Variants in ANKFN1 observed in about 807,000 individuals in gnomAD.
The protein encoded by ANKFN1 is ankyrin repeat and fibronectin type III domain containing 1.
Under a neutral mutation model 108.7 loss-of-function variants are expected in ANKFN1, and 74 were observed. The ratio of observed to expected loss-of-function variants is 0.68; its 90% CI spans 0.56 to 0.83. The LOEUF is 0.83. Among genes scored for constraint, ANKFN1 ranks in the 40% least tolerant of loss-of-function variants. The probability of loss-of-function intolerance (pLI) is 0.00; values close to 1 mark genes in which losing one functional copy is unlikely to be tolerated. For synonymous variants in ANKFN1, 547 were observed against 516.2 expected (o/e 1.06, Z -0.81); for missense variants, 1,505 against 1,382.3 (o/e 1.09, Z -1.41).
intron 4 of ANKFN1, among the ~76,000 whole-genome samples, chr17:56,334,411 A>G (rs921668432): frequency 6.6e-6 from 1 of 152,134 alleles, no homozygotes; most frequent in African/African-American, 2.4e-5. Flanking sequence ...ATTGTGACAA[A>G]TGGTTTCATG....
chr17:56,127,991 A>G (rs1353694786), intron 4 of ANKFN1, among the ~76,000 whole-genome samples: 1 of 152,200 alleles, frequency 6.6e-6, no homozygotes, highest in Non-Finnish European at 1.5e-5. Context: ...GAAACACACC[A>G]AAACCAAGTC....
chr17:56,181,170 G>A (rs1486071237), intron 1 of ANKFN1, among the ~76,000 whole-genome samples: 2 of 152,144 alleles, frequency 1.3e-5, no homozygotes, highest in African/African-American at 4.8e-5. Context: ...TATATCTATA[G>A]CATAACACAG....
At chr17:56,431,188 T>C (rs561785375) in intron 8 of ANKFN1, among the ~76,000 whole-genome samples, 2 of 152,258 alleles carry the variant, frequency 1.3e-5, no homozygotes, top group Non-Finnish European at 2.9e-5. Context: ...CCAGAAATGA[T>C]AGGGGAGTTT....
At chr17:56,105,129 C>G (rs1438558755) in intron 4 of ANKFN1, among the ~76,000 whole-genome samples, 1 of 152,128 alleles carries the variant, frequency 6.6e-6, no homozygotes, top group Admixed American at 6.6e-5. Context: ...AGGTCTCACA[C>G]AGGTAGATGA....
chr17:56,056,046 A>G (rs1904871690), intron 4 of ANKFN1, among the ~76,000 whole-genome samples: 1 of 151,410 alleles, frequency 6.6e-6, no homozygotes, highest in Admixed American at 6.6e-5. Flanking sequence ...ATATCAGTTC[A>G]TGTTCTTTGC....
intron 15 of ANKFN1, among the ~76,000 whole-genome samples, chr17:56,468,819 A>C (rs1477798802): frequency 6.6e-6 from 1 of 152,232 alleles, no homozygotes; most frequent in Non-Finnish European, 1.5e-5. Context: ...ATTGACAGAG[A>C]GTATGTGCTT....
chr17:56,510,658 G>A lies in ANKFN1; in HGVS notation c.2830G>A (p.Asp944Asn), dbSNP rs758031860. The A allele has an allele frequency of 1.9e-5, 29 of 1,536,168 alleles. No homozygotes were observed. The South Asian group carries it at 2.9e-4, about 15-fold the overall frequency. The change falls in exon 21 of 21, where the codon GAC becomes AAC. Residue 944 changes from aspartate (D) to asparagine (N), a missense_variant. By Grantham distance (23) the Asp-to-Asn change is conservative. Coordinates refer to ENST00000682825, the MANE Select transcript of ANKFN1 (RefSeq NM_001370326.1). ...GSAPDVLQVH[D>N]VKTPLGPGQD... is the part of the protein sequence containing the mutation. ...CGCCCCCGACGTCCTGCAAGTGCAC[G>A]ACGTGAAAACCCCTCTGGGGCCGGG... is the stretch of plus-strand genomic sequence containing the variant.
Position 56,374,716 on chromosome 17 carries a change from T to G in ANKFN1, c.910+2T>G. 2.5e-6 allele frequency: 4 copies of G among 1,603,436 alleles called. No homozygotes were observed. Among genetic ancestry groups the G allele is most frequent in the Non-Finnish European group, 3.4e-6 (4 of 1,171,706 alleles). On this transcript the variant is annotated splice_donor_variant, in intron 8 of 20. Coordinates refer to ENST00000682825, the MANE Select transcript of ANKFN1 (RefSeq NM_001370326.1). LOFTEE classifies it high-confidence loss of function. ...CAGCTGTAGTAACCAGGTATAAAGG[T>G]ACTGGACCCAAGACATGTTTTCATC...
chr17:56,337,522 A>G (rs1211616542), intron 4 of ANKFN1, among the ~76,000 whole-genome samples: 1 of 152,220 alleles, frequency 6.6e-6, no homozygotes, highest in African/African-American at 2.4e-5. Context: ...GTCAGAGTCA[A>G]CAGGCAACTT....
chr17:56,373,348 T>C (rs2046862189), intron 7 of ANKFN1, among the ~76,000 whole-genome samples: 1 of 152,216 alleles, frequency 6.6e-6, no homozygotes, highest in African/African-American at 2.4e-5. Flanking sequence ...TGTCTGCACT[T>C]TCATTTTCTT....
intron 4 of ANKFN1, among the ~76,000 whole-genome samples, chr17:56,088,103 C>T (rs1361499492): frequency 2.0e-5 from 3 of 151,264 alleles, no homozygotes; most frequent in Non-Finnish European, 4.4e-5. Flanking sequence ...CAGGTAGAAT[C>T]TTCTTTAATG....
rs765531442 is a variant in ANKFN1, at chr17:56,396,670, G to A, written c.910+21956G>A. ...TACCATGTGCTAGCCATTGGGTCAGGACTTTATAGGCATTGCTTCTTCTAA... is the reference window on the plus strand; with the variant it reads ...TACCATGTGCTAGCCATTGGGTCAGAACTTTATAGGCATTGCTTCTTCTAA... On this transcript the variant is annotated intron_variant, in intron 8 of 20. Coordinates refer to ENST00000682825, the MANE Select transcript of ANKFN1 (RefSeq NM_001370326.1). 6.2e-4 allele frequency among the ~76,000 whole-genome samples: 94 copies of A among 152,164 alleles called. 1 individual carries two copies. The highest frequency in any genetic ancestry group is 3.4e-3 in the Middle Eastern group (1 of 294).
chr17:56,052,143 G>A (rs1225469073), intron 4 of ANKFN1, among the ~76,000 whole-genome samples: 5 of 152,224 alleles, frequency 3.3e-5, no homozygotes, highest in East Asian at 3.9e-4. Context: ...CAAAGCTGGA[G>A]GAATCACACT....
intron 4 of ANKFN1, 148 bp downstream of exon 4, chr17:56,326,503 A>T: frequency 1.0e-6 from 1 of 966,462 alleles, no homozygotes; most frequent in East Asian, 2.7e-5. Context: ...GTCCATGAAG[A>T]ATACACACAA....
At chr17:56,456,294 C>G (rs112999227) in intron 11 of ANKFN1, among the ~76,000 whole-genome samples, 455 of 152,000 alleles carry the variant, frequency 3.0e-3, no homozygotes, top group Middle Eastern at 0.01. Flanking sequence ...AGAACACCTA[C>G]GTGGTCTCCT....
chr17:56,105,266 T>C (rs549954130), intron 4 of ANKFN1, among the ~76,000 whole-genome samples: 38 of 152,164 alleles, frequency 2.5e-4, no homozygotes, highest in African/African-American at 9.2e-4. Flanking sequence ...TGACTGGTTC[T>C]GTATGGAACA....
intron 4 of ANKFN1, among the ~76,000 whole-genome samples, chr17:56,100,917 A>G (rs1905634798): frequency 6.6e-6 from 1 of 152,210 alleles, no homozygotes; most frequent in South Asian, 2.1e-4. Context: ...CATTGTTATT[A>G]TGGGCTGACT....
At chr17:56,272,587 A>G (rs1213755968) in intron 3 of ANKFN1, among the ~76,000 whole-genome samples, 2 of 152,126 alleles carry the variant, frequency 1.3e-5, no homozygotes, top group Non-Finnish European at 2.9e-5. Flanking sequence ...TCCATGGACA[A>G]TTTGGTTGCT....
intron 11 of ANKFN1, among the ~76,000 whole-genome samples, chr17:56,455,742 A>G (rs552505445): frequency 2.3e-4 from 35 of 152,244 alleles, no homozygotes; most frequent in Non-Finnish European, 4.4e-4. Context: ...GGCAAGCTCC[A>G]TGTTATAAGC....
Sources: allele counts gnomAD v4.1 joint callset (sites outside exome capture counted in the v4.1 genomes callset), GRCh38; gene constraint gnomAD v4.1.1; transcripts MANE v1.5; gene names NCBI Gene and HGNC (gene_info 2026-07-23, HGNC 2026-07-21).